Variants in ODAD4 observed in about 807,000 individuals in gnomAD.
ODAD4 encodes outer dynein arm docking complex subunit 4, also known as outer dynein arm-docking complex subunit 4.
A neutral mutation model predicts 51.8 loss-of-function variants in ODAD4; 49 were observed. The observed-to-expected ratio is 0.95, with a 90% CI of 0.75 to 1.20. The LOEUF is 1.20. Ranked by LOEUF, ODAD4 falls within the 50% of genes most tolerant of loss-of-function variation. The probability of loss-of-function intolerance (pLI) is 0.00; values close to 1 mark genes in which losing one functional copy is unlikely to be tolerated. For missense variants in ODAD4, 590 were observed against 586.5 expected (o/e 1.01, Z -0.06); for synonymous variants, 235 against 221.3 (o/e 1.06, Z -0.55).
rs1555642299 is a variant in ODAD4 at position 41,964,931 on chromosome 17, C to A, written c.1529-62C>A. On this transcript the variant is annotated intron_variant, in intron 11 of 11. Transcript: ENST00000377540. ...GTGCTGAGATTACAGGCGTGAGCCA[C>A]CGCACCCGGCCTGACATGAACAAAC... 6.3e-6 allele frequency: 4 copies of A among 639,800 alleles called. No individual in the cohort carries two copies. In the Admixed American group the frequency reaches 7.8e-5, roughly 13 times the overall value. The allele number at this position is 639,800 out of a possible 1,614,324, so 39.6% of individuals were successfully genotyped here.
chr17:41,956,134 G>T (rs938692071), intron 10 of ODAD4, among the ~76,000 whole-genome samples: 2 of 143,030 alleles, frequency 1.4e-5, no homozygotes, highest in African/African-American at 2.6e-5. Flanking sequence ...TGCAACCTCC[G>T]CCTCCCGGGT....
At chr17:41,951,933 A>G (rs2144522392) in intron 9 of ODAD4, among the ~76,000 whole-genome samples, 1 of 151,176 alleles carries the variant, frequency 6.6e-6, no homozygotes, top group East Asian at 2.0e-4. Flanking sequence ...CATAGTGGCT[A>G]ACACTTATAA....
chr17:41,946,896 G>A (rs369909394), intron 8 of ODAD4, among the ~76,000 whole-genome samples: 1 of 150,702 alleles, frequency 6.6e-6, no homozygotes, highest in Non-Finnish European at 1.5e-5. Flanking sequence ...TGTCCCCCAC[G>A]CTGGAGTGCA....
intron 7 of ODAD4, among the ~76,000 whole-genome samples, chr17:41,944,444 A>ACACCCCCC (rs1191101800): frequency 5.1e-5 from 1 of 19,566 alleles, no homozygotes; most frequent in African/African-American, 1.4e-4. Flanking sequence ...ACACACACAC[A>ACACCCCCC]CCCCCCCGCA....
chr17:41,963,399 C>T, intron 11 of ODAD4, among the ~76,000 whole-genome samples: 1 of 152,198 alleles, frequency 6.6e-6, no homozygotes, highest in Non-Finnish European at 1.5e-5. Context: ...GGAAACCTAT[C>T]TTTTTCCTTA....
At chr17:41,962,568 C>T (rs923156313) in intron 11 of ODAD4, among the ~76,000 whole-genome samples, 2 of 152,290 alleles carry the variant, frequency 1.3e-5, no homozygotes, top group Admixed American at 6.5e-5. Context: ...ACTGTGTGCA[C>T]GGACTCATCC....
chr17:41,937,528 T>C (rs1454003114), intron 5 of ODAD4, among the ~76,000 whole-genome samples: 1 of 151,906 alleles, frequency 6.6e-6, no homozygotes, highest in African/African-American at 2.4e-5. Context: ...TGGAGTGCAG[T>C]GAAGCAAATT....
intron 7 of ODAD4, among the ~76,000 whole-genome samples, chr17:41,939,426 A>T (rs1243784422): frequency 6.6e-6 from 1 of 152,162 alleles, no homozygotes; most frequent in African/African-American, 2.4e-5. Context: ...GCTCTTAGGG[A>T]TGTTTATATT....
At chr17:41,952,797 C>A in intron 9 of ODAD4, 1 of 349,598 alleles carries the variant, frequency 2.9e-6, no homozygotes, top group South Asian at 2.2e-5. Context: ...GTGTCACGTC[C>A]CTGCATTCAT....
intron 8 of ODAD4, among the ~76,000 whole-genome samples, chr17:41,946,207 A>G (rs531356441): frequency 5.3e-4 from 81 of 152,344 alleles, no homozygotes; most frequent in African/African-American, 1.8e-3. Context: ...CTTAATGTGC[A>G]TGCCTGGGAA....
chr17:41,949,796 C>G (rs1307738243), intron 9 of ODAD4, among the ~76,000 whole-genome samples: 3 of 152,170 alleles, frequency 2.0e-5, no homozygotes, highest in African/African-American at 7.2e-5. Flanking sequence ...CTTCAGGCTC[C>G]CAAGTAGCTG....
At chr17:41,955,878 T>C (rs1003107594) in intron 10 of ODAD4, among the ~76,000 whole-genome samples, 1 of 151,986 alleles carries the variant, frequency 6.6e-6, no homozygotes, top group Non-Finnish European at 1.5e-5. Context: ...AGTGGCACTG[T>C]TATGGCTCAT....
chr17:41,936,632 T>C (rs2050432070), intron 4 of ODAD4, 98 bp downstream of exon 4: 4 of 1,510,696 alleles, frequency 2.6e-6, no homozygotes, highest in Non-Finnish European at 3.7e-6. Context: ...TGACCAGGCA[T>C]ACTCCGTGAC....
At chr17:41,948,686 G>A (rs907415319) in intron 8 of ODAD4, among the ~76,000 whole-genome samples, 20 of 152,080 alleles carry the variant, frequency 1.3e-4, no homozygotes, top group Admixed American at 1.2e-3. Flanking sequence ...TGTCACCCAG[G>A]CTGGAGTGCA....
At position 41,945,151 on chromosome 17, in the gene ODAD4, A is replaced by G. The variant is rs782076168; in HGVS notation, c.1074A>G (p.Ala358=). The part of the protein sequence containing the change: ...EIAKEYDLPD[A]KSRALDNIGR... ...TTCCCCACAGTGACCTTCCTGATGCAAAATCGAGAGCCCTTGACAACATTG... is the reference window on the plus strand; with the variant it reads ...TTCCCCACAGTGACCTTCCTGATGCGAAATCGAGAGCCCTTGACAACATTG... The change falls in exon 8 of 12, where the codon GCA becomes GCG. Residue 358 remains alanine, a synonymous_variant. Coordinates refer to ENST00000377540, the MANE Select transcript of ODAD4 (RefSeq NM_031421.5). 6.8e-6 allele frequency: 11 copies of G among 1,613,210 alleles called. No individual in the cohort carries two copies. The highest frequency in any genetic ancestry group is 9.3e-6 in the Non-Finnish European group (11 of 1,179,656).
rs374960044 is a variant in ODAD4 at position 41,947,129 on chromosome 17, C to T, written c.1145+1907C>T. On this transcript the variant is annotated intron_variant, in intron 8 of 11. Transcript: ENST00000377540. ...CCTCCCAAAGTGCTGGGATTACAGGCATGAGCCACTGTGCCCGGGTGTGCA... is the reference window on the plus strand; with the variant it reads ...CCTCCCAAAGTGCTGGGATTACAGGTATGAGCCACTGTGCCCGGGTGTGCA... Among the ~76,000 whole-genome samples the T allele has an allele frequency of 1.1e-3, 170 of 150,996 alleles. 1 individual carries two copies. The highest frequency in any genetic ancestry group is 2.8e-3 in the South Asian group (13 of 4,688).
chr17:41,943,966 G>A (rs1264511204), intron 7 of ODAD4, among the ~76,000 whole-genome samples: 4 of 152,048 alleles, frequency 2.6e-5, no homozygotes, highest in South Asian at 4.2e-4. Flanking sequence ...TTGGGAGGCC[G>A]AGGCGGGTGA....
chr17:41,951,799 GCTTGAATC>G (rs1555640179), intron 9 of ODAD4, among the ~76,000 whole-genome samples: 2 of 144,822 alleles, frequency 1.4e-5, no homozygotes, highest in Non-Finnish European at 1.5e-5. Context: ...CAGGAGAACT[GCTTGAATC>G]CAGGAGGCGG....
chr17:41,937,519 G>A (rs2050444937), intron 5 of ODAD4, among the ~76,000 whole-genome samples: 1 of 151,950 alleles, frequency 6.6e-6, no homozygotes, highest in Admixed American at 6.6e-5. Context: ...CACACAGGCT[G>A]GAGTGCAGTG....
Sources: gnomAD v4.1 joint callset for allele counts (sites outside exome capture counted in the v4.1 genomes callset) on GRCh38, gnomAD v4.1.1 for gene constraint, MANE v1.5 for transcripts, NCBI Gene and HGNC (gene_info 2026-07-23, HGNC 2026-07-21) for gene names.